DNAI1: variants seen among roughly 807,000 people sequenced by gnomAD.
DNAI1 encodes dynein, axonemal, intermediate polypeptide 1.
A neutral mutation model predicts 92.0 loss-of-function variants in DNAI1; 67 were observed. The observed-to-expected ratio is 0.73, with a 90% CI of 0.60 to 0.89. The LOEUF (loss-of-function observed/expected upper bound fraction) is 0.89. DNAI1 is among the 40% of genes least tolerant of loss of function. The probability of loss-of-function intolerance (pLI) is 0.00; values close to 1 mark genes in which losing one functional copy is unlikely to be tolerated. For missense variants in DNAI1, 839 were observed against 866.6 expected, an observed-to-expected ratio of 0.97 and a Z score of 0.40; for synonymous variants, 323 against 319.6, an observed-to-expected ratio of 1.01 and a Z score of -0.11.
chr9:34,481,186 T>G (rs1824346373), intron 1 of DNAI1, among the ~76,000 whole-genome samples: 1 of 152,240 alleles, frequency 6.6e-6, no homozygotes, highest in Non-Finnish European at 1.5e-5. Flanking sequence ...GAGGTTGCAG[T>G]GACCCGAGAT....
At chr9:34,509,670 G>A (rs1202335042) in intron 13 of DNAI1, among the ~76,000 whole-genome samples, 9 of 152,164 alleles carry the variant, frequency 5.9e-5, no homozygotes, top group African/African-American at 2.2e-4. Flanking sequence ...TGAAGCCTGA[G>A]CTAGGGCAGG....
rs1293433920 is a variant in DNAI1, at chr9:34,491,473, C to T, written c.622-22C>T. ...AAGGAGTTGAGGGCTTTTTGTGGGT[C>T]TCCTGTTGTCTTGTTCTTTAGGATC... is the stretch of plus-strand genomic sequence containing the variant. On this transcript the variant is annotated intron_variant, in intron 7 of 19. Coordinates refer to ENST00000242317, the MANE Select transcript of DNAI1 (RefSeq NM_012144.4). The T allele has an allele frequency of 5.0e-6, 8 of 1,613,952 alleles. No individual in the cohort carries two copies. The African/African-American group carries it at 9.3e-5, about 19-fold the overall frequency.
At chr9:34,485,063 T>A in intron 2 of DNAI1, 79 bp from the exon 3 acceptor site, 1 of 1,426,348 alleles carries the variant, frequency 7.0e-7, no homozygotes, top group Non-Finnish European at 9.9e-7. Context: ...TCTGGGAGTG[T>A]TTGTGAATGA....
chr9:34,494,114 T>A (rs1332070416), intron 9 of DNAI1, among the ~76,000 whole-genome samples: 2 of 151,988 alleles, frequency 1.3e-5, no homozygotes, highest in African/African-American at 4.8e-5. Flanking sequence ...AGGGACAATG[T>A]CCACAGGAAT....
chr9:34,506,509 A>T (rs904868648), intron 12 of DNAI1, 118 bp from the exon 13 acceptor site: 18 of 1,366,748 alleles, frequency 1.3e-5, no homozygotes, highest in Non-Finnish European at 1.7e-5. Flanking sequence ...GGAATCCCAC[A>T]CTCTGACAGA....
At chr9:34,474,408 T>G (rs1420102599) in intron 1 of DNAI1, among the ~76,000 whole-genome samples, 1 of 151,496 alleles carries the variant, frequency 6.6e-6, no homozygotes, top group Non-Finnish European at 1.5e-5. Flanking sequence ...CTAATTTTGT[T>G]TATTTTTTTG....
Position 34,501,177 on chromosome 9 carries a change from C to G in DNAI1, c.1059C>G (p.Gly353=). The G allele has an allele frequency of 6.2e-7, 1 of 1,612,064 alleles. No homozygotes were observed. Among genetic ancestry groups the G allele is most frequent in the Non-Finnish European group, 8.5e-7 (1 of 1,178,132 alleles). Residue 353 remains glycine, a synonymous_variant, in exon 12 of 20, where the codon GGC becomes GGG. Coordinates refer to ENST00000242317, the MANE Select transcript of DNAI1 (RefSeq NM_012144.4). ...KYRDLFAVGY[G]SYDFMKQSRG... is the part of the protein sequence containing the mutation. Reference sequence around the variant, plus strand: ...GGGATCTGTTTGCAGTGGGATATGGCTCTTGTAAGTGATCTGACTATTCAT... The same window carrying G: ...GGGATCTGTTTGCAGTGGGATATGGGTCTTGTAAGTGATCTGACTATTCAT...
At chr9:34,510,786 T>G (rs915644681) in intron 13 of DNAI1, among the ~76,000 whole-genome samples, 14 of 151,404 alleles carry the variant, frequency 9.2e-5, no homozygotes, top group African/African-American at 3.4e-4. Context: ...CCCTGTCCCC[T>G]CCCCCCTTTA....
At chr9:34,468,599 G>T (rs1564026783) in intron 1 of DNAI1, among the ~76,000 whole-genome samples, 1 of 151,934 alleles carries the variant, frequency 6.6e-6, no homozygotes, top group African/African-American at 2.4e-5. Context: ...GATGAGACGG[G>T]AGGATCACTT....
chr9:34,493,108 A>AG, intron 8 of DNAI1, 86 bp from the exon 9 acceptor site: 1 of 1,588,872 alleles, frequency 6.3e-7, no homozygotes, highest in Non-Finnish European at 8.6e-7. Flanking sequence ...TAACATGACC[A>AG]ATTCCTTAAG....
intron 12 of DNAI1, among the ~76,000 whole-genome samples, chr9:34,506,425 T>C (rs1824931208): frequency 6.6e-6 from 1 of 152,184 alleles, no homozygotes; most frequent in African/African-American, 2.4e-5. Context: ...GTTGGATCTT[T>C]CCATGATCTC....
chr9:34,493,370 A>G (rs377082537), intron 9 of DNAI1, 42 bp downstream of exon 9: 1 of 1,613,826 alleles, frequency 6.2e-7, no homozygotes, highest in South Asian at 1.1e-5. Flanking sequence ...GAATTTCTGA[A>G]TGAGGCCTTG....
At chr9:34,496,111 G>A (rs759304283) in intron 9 of DNAI1, among the ~76,000 whole-genome samples, 5 of 152,158 alleles carry the variant, frequency 3.3e-5, no homozygotes, top group Admixed American at 6.5e-5. Flanking sequence ...ATGACCTGAT[G>A]AGGCAGATGC....
chr9:34,492,613 G>C (rs1458153393), intron 8 of DNAI1, among the ~76,000 whole-genome samples: 1 of 148,248 alleles, frequency 6.7e-6, no homozygotes, highest in Non-Finnish European at 1.5e-5. Flanking sequence ...TCTGCCTCCT[G>C]GGCTCAAGCG....
intron 13 of DNAI1, among the ~76,000 whole-genome samples, chr9:34,509,777 T>A (rs902879148): frequency 6.6e-6 from 1 of 151,904 alleles, no homozygotes; most frequent in South Asian, 2.1e-4. Flanking sequence ...ATAGAAGAAC[T>A]GATGCTGCCT....
rs1379557992 is a variant in DNAI1, at chr9:34,512,398, C to T, written c.1463C>T (p.Pro488Leu). 1 of 1,614,076 alleles carries T rather than the reference C, an allele frequency of 6.2e-7. No homozygotes were observed. The highest frequency in any genetic ancestry group is 1.3e-5 in the African/African-American group (1 of 74,910). Residue 488 changes from proline to leucine, a missense_variant, in exon 15 of 20, where the codon CCT (proline) becomes CTT (leucine). Physicochemically the swap from Pro to Leu is moderately conservative, Grantham distance 98. Coordinates refer to ENST00000242317, the MANE Select transcript of DNAI1 (RefSeq NM_012144.4). ...GTGGAAGGCAGCACCACGGAAGTTC[C>T]TGAGGGGTTGCAGCTGCACCCAGTG... ...LKVEGSTTEV[P>L]EGLQLHPVGC... is the part of the protein sequence containing the mutation.
At chr9:34,503,080 T>C (rs752639218) in intron 12 of DNAI1, among the ~76,000 whole-genome samples, 2 of 152,156 alleles carry the variant, frequency 1.3e-5, no homozygotes, top group Non-Finnish European at 2.9e-5. Flanking sequence ...GGTAGTCTCC[T>C]AGGGAGCAGG....
chr9:34,501,167 T>C lies in DNAI1; in HGVS notation c.1049T>C (p.Val350Ala). 1.2e-6 allele frequency: 2 copies of C among 1,613,542 alleles called. No homozygotes were observed. Among genetic ancestry groups the C allele is most frequent in the Non-Finnish European group, 1.7e-6 (2 of 1,179,402 alleles). Residue 350 changes from valine to alanine, a missense_variant, in exon 12 of 20, where the codon GTG becomes GCG. By Grantham distance (64) the Val-to-Ala change is moderately conservative. Coordinates refer to ENST00000242317, the MANE Select transcript of DNAI1 (RefSeq NM_012144.4). ...CCAAAGTACAGGGATCTGTTTGCAG[T>C]GGGATATGGCTCTTGTAAGTGATCT... Reference protein sequence around the residue: ...WNPKYRDLFAVGYGSYDFMKQ... With the variant: ...WNPKYRDLFAAGYGSYDFMKQ...
intron 9 of DNAI1, among the ~76,000 whole-genome samples, chr9:34,495,364 G>C (rs546358346): frequency 6.6e-6 from 1 of 152,174 alleles, no homozygotes; most frequent in East Asian, 1.9e-4. Flanking sequence ...GGGTCTGAGA[G>C]CATGGACCCT....
Sources: allele counts gnomAD v4.1 joint callset (sites outside exome capture counted in the v4.1 genomes callset), GRCh38; gene constraint gnomAD v4.1.1; transcripts MANE v1.5; gene names NCBI Gene and HGNC (gene_info 2026-07-23, HGNC 2026-07-21).